Variants in CDH13 observed in about 807,000 individuals in gnomAD.
CDH13 encodes cadherin 13, also known as cadherin-13.
CDH13 carries 24 observed loss-of-function variants against 63.8 expected under a neutral mutation model. The ratio of observed to expected loss-of-function variants is 0.38; its 90% CI spans 0.27 to 0.53. The LOEUF is 0.53. Ranked by LOEUF, CDH13 falls within the 20% of genes least tolerant of loss-of-function variation. The pLI is 0.85. For synonymous variants in CDH13, 503 were observed against 355.3 expected (o/e 1.42, Z -4.67); for missense variants, 1,049 against 903.1 (o/e 1.16, Z -2.07).
chr16:83,330,649 C>A (rs1457193351), intron 5 of CDH13, among the ~76,000 whole-genome samples: 1 of 152,170 alleles, frequency 6.6e-6, no homozygotes, highest in Admixed American at 6.5e-5. Flanking sequence ...GAGGCCAACT[C>A]AGTACTGAAT....
rs942031766 is a variant in CDH13 at position 82,790,187 on chromosome 16, A to T, written c.46-68175A>T. ...CGCGGTATCTCATACCTATAATCCC[A>T]GCCCTTTGGGAGGCCGAGGCAGGCA... On this transcript the variant is annotated intron_variant, in intron 1 of 13. Coordinates refer to ENST00000567109, the MANE Select transcript of CDH13 (RefSeq NM_001257.5). 2.0e-5 allele frequency among the ~76,000 whole-genome samples: 3 copies of T among 152,240 alleles called. No individual in the cohort carries two copies. In the South Asian group the frequency reaches 6.2e-4, roughly 32 times the overall value.
chr16:83,346,703 G>A (rs958907216), intron 6 of CDH13, among the ~76,000 whole-genome samples: 2 of 152,136 alleles, frequency 1.3e-5, no homozygotes, highest in Admixed American at 6.5e-5. Flanking sequence ...TTTGATACAT[G>A]TATATACATG....
At chr16:83,777,555 T>A (rs957315115) in intron 11 of CDH13, among the ~76,000 whole-genome samples, 24 of 152,186 alleles carry the variant, frequency 1.6e-4, no homozygotes, top group Admixed American at 2.0e-4. Flanking sequence ...CAGCTTGGAG[T>A]TGGCTCTACT....
At chr16:83,720,955 C>T (rs1030667118) in intron 10 of CDH13, among the ~76,000 whole-genome samples, 3 of 152,150 alleles carry the variant, frequency 2.0e-5, no homozygotes, top group Non-Finnish European at 4.4e-5. Context: ...GCCATCAGGC[C>T]CTCAGGAACG....
intron 1 of CDH13, among the ~76,000 whole-genome samples, chr16:82,831,128 C>T (rs2113141): frequency 0.26 from 39,517 of 151,914 alleles, 5,934 homozygotes; most frequent in Middle Eastern, 0.35. Flanking sequence ...ACCTAGGCGC[C>T]GCACCAGACC....
chr16:82,762,508 T>C (rs2034892872), intron 1 of CDH13, among the ~76,000 whole-genome samples: 1 of 152,226 alleles, frequency 6.6e-6, no homozygotes, highest in South Asian at 2.1e-4. Context: ...TCAGTAATTC[T>C]AATGATTCAA....
At chr16:82,859,129 C>T (rs796176776) in intron 2 of CDH13, 2 of 152,234 alleles carry the variant, frequency 1.3e-5, no homozygotes, top group African/African-American at 4.8e-5. Context: ...GGGTACATTG[C>T]TAAATGCATA....
chr16:83,232,945 G>T (rs1259367908), intron 5 of CDH13, among the ~76,000 whole-genome samples: 2 of 152,246 alleles, frequency 1.3e-5, no homozygotes, highest in South Asian at 4.2e-4. Context: ...AGGCAAAAAT[G>T]TGTCACCCTG....
At chr16:83,591,150 C>T (rs1305923793) in intron 7 of CDH13, among the ~76,000 whole-genome samples, 2 of 152,014 alleles carry the variant, frequency 1.3e-5, no homozygotes, top group East Asian at 3.9e-4. Context: ...ACTTCATGAT[C>T]CACCTGCCTC....
At chr16:83,230,050 G>C (rs1389918553) in intron 5 of CDH13, among the ~76,000 whole-genome samples, 1 of 152,146 alleles carries the variant, frequency 6.6e-6, no homozygotes, top group East Asian at 1.9e-4. Context: ...TTAATAGTTG[G>C]GGAATCCACA....
chr16:83,406,159 T>A (rs1353490352), intron 6 of CDH13, among the ~76,000 whole-genome samples: 1 of 152,190 alleles, frequency 6.6e-6, no homozygotes, highest in African/African-American at 2.4e-5. Context: ...CCCAGGCCCC[T>A]GTCTATGAAA....
At chr16:83,721,993 C>A (rs539638844) in intron 10 of CDH13, among the ~76,000 whole-genome samples, 12 of 152,134 alleles carry the variant, frequency 7.9e-5, no homozygotes, top group African/African-American at 2.9e-4. Flanking sequence ...TCATTCTGAA[C>A]TGGGAGTGGA....
intron 4 of CDH13, among the ~76,000 whole-genome samples, chr16:83,165,053 A>T (rs547082703): frequency 5.6e-4 from 84 of 151,292 alleles, no homozygotes; most frequent in African/African-American, 2.0e-3. Flanking sequence ...CTGATCACAG[A>T]AAGTGTGTGG....
intron 2 of CDH13, among the ~76,000 whole-genome samples, chr16:82,895,343 T>G (rs7200308): frequency 6.6e-6 from 1 of 152,166 alleles, no homozygotes; most frequent in Non-Finnish European, 1.5e-5. Context: ...CCTCCCTCCT[T>G]CATCACACTT....
At chr16:83,326,405 C>G (rs1261563404) in intron 5 of CDH13, among the ~76,000 whole-genome samples, 1 of 150,830 alleles carries the variant, frequency 6.6e-6, no homozygotes. Context: ...GATTCACTAC[C>G]ATGGACACCA....
intron 2 of CDH13, among the ~76,000 whole-genome samples, chr16:83,026,697 G>T (rs1167671022): frequency 6.6e-6 from 1 of 152,168 alleles, no homozygotes; most frequent in African/African-American, 2.4e-5. Context: ...AGGCTGAAAG[G>T]AGGTATGGAC....
chr16:83,242,909 C>G (rs7201120), intron 5 of CDH13, among the ~76,000 whole-genome samples: 19,063 of 152,216 alleles, frequency 0.13, 1,350 homozygotes, highest in Middle Eastern at 0.18. Context: ...TCAAGTACAG[C>G]TAACATCTTT....
chr16:83,354,041 G>A (rs2091008609), intron 6 of CDH13, among the ~76,000 whole-genome samples: 2 of 152,204 alleles, frequency 1.3e-5, no homozygotes, highest in South Asian at 2.1e-4. Context: ...TGGCAGCAGG[G>A]CAAAGGAGCA....
At chr16:83,306,093 G>A (rs1487336592) in intron 5 of CDH13, among the ~76,000 whole-genome samples, 1 of 151,604 alleles carries the variant, frequency 6.6e-6, no homozygotes, top group African/African-American at 2.4e-5. Context: ...TGCAGCCCAG[G>A]TTGTAATAAC....
Sources: gnomAD v4.1 joint callset for allele counts (sites outside exome capture counted in the v4.1 genomes callset) on GRCh38, gnomAD v4.1.1 for gene constraint, MANE v1.5 for transcripts, NCBI Gene and HGNC (gene_info 2026-07-23, HGNC 2026-07-21) for gene names.